Variants in ERBB2 observed in about 807,000 individuals in gnomAD.
ERBB2 encodes erb-b2 receptor tyrosine kinase 2.
In ERBB2, 61 loss-of-function variants were observed where a neutral mutation model predicts 149.0. The observed-to-expected ratio is 0.41, with a 90% CI of 0.33 to 0.51. The LOEUF (loss-of-function observed/expected upper bound fraction) is 0.51, where lower values mean the gene tolerates loss of function less well. Among genes scored for constraint, ERBB2 ranks in the 20% least tolerant of loss-of-function variants. The pLI is 0.25. For synonymous variants in ERBB2, 633 were observed against 678.8 expected (o/e 0.93, Z 1.05); for missense variants, 1,205 against 1,655.1 (o/e 0.73, Z 4.72).
At chr17:39,705,817 G>A (rs951815680) in intron 1 of ERBB2, among the ~76,000 whole-genome samples, 2 of 152,190 alleles carry the variant, frequency 1.3e-5, no homozygotes, top group Admixed American at 1.3e-4. Flanking sequence ...CCCTTGTGCT[G>A]TCCCTGAATC....
intron 9 of ERBB2, among the ~76,000 whole-genome samples, chr17:39,713,507 T>C (rs1267563756): frequency 1.3e-5 from 2 of 151,210 alleles, no homozygotes; most frequent in Non-Finnish European, 2.9e-5. Flanking sequence ...TCCCAGCACT[T>C]TGGGAGGCCG....
intron 12 of ERBB2, 64 bp from the exon 13 acceptor site, chr17:39,716,237 C>G (rs139227028): frequency 1.3e-6 from 2 of 1,499,938 alleles, no homozygotes; most frequent in Non-Finnish European, 8.9e-7. Flanking sequence ...AGCCAGTTCC[C>G]TGGTTCACTT....
At chr17:39,691,546 T>TAAAAAAAAAAA (rs557885708), upstream of ERBB2, among the ~76,000 whole-genome samples, 4 of 108,484 alleles carry the variant, frequency 3.7e-5, no homozygotes, top group African/African-American at 2.0e-4. Flanking sequence ...CCATCTACAT[T>TAAAAAAAAAAA]AAAAAAAAAA....
chr17:39,717,790 AAC>A lies in ERBB2; in HGVS notation c.1898+340_1898+341del, dbSNP rs67643218. On this transcript the variant is annotated intron_variant, in intron 15 of 26. Transcript: ENST00000269571. The stretch of plus-strand genomic sequence containing the variant: ...AGTTATTTTTATCTGTGCACATTTT[AAC>A]ACACACACACACACACACACACACA... The A allele has an allele frequency of 9.4e-3, 1,606 of 171,092 alleles. 1 individual carries two copies. Among genetic ancestry groups the A allele is most frequent in the East Asian group, 0.033 (277 of 8,354 alleles). 10.6% of individuals were successfully genotyped at this position (171,092 alleles called of 1,614,324 possible). A position where few individuals can be genotyped will look rare whatever the true frequency, so the allele number is the denominator to read the frequency against.
In ERBB2 at chr17:39,722,035, C is replaced by A. The variant is rs866020111; in HGVS notation, c.1947-1284C>A. Among the ~76,000 whole-genome samples the A allele has an allele frequency of 2.0e-5, 3 of 152,268 alleles. No homozygotes were observed. The Middle Eastern group carries it at 0.01, about 518-fold the overall frequency. ...TCAGGTTCAAACGATTCTCCTGCTT[C>A]AGCCTCCAGAGTGGCTGGGATTACA... On this transcript the variant is annotated intron_variant, in intron 16 of 26. Transcript: ENST00000269571.
chr17:39,699,605 C>T (rs1435967912), upstream of ERBB2: 5 of 1,339,522 alleles, frequency 3.7e-6, no homozygotes, highest in Non-Finnish European at 5.2e-6. Flanking sequence ...CAACACATCC[C>T]CCTCCTTGAC....
chr17:39,709,035 C>G (rs2058636367), intron 3 of ERBB2, among the ~76,000 whole-genome samples: 1 of 152,116 alleles, frequency 6.6e-6, no homozygotes, highest in African/African-American at 2.4e-5. Flanking sequence ...AACCACCAAG[C>G]AGCATGCCCA....
chr17:39,717,790 A>AACACACACACACAC (rs67643218), intron 15 of ERBB2: 7 of 171,920 alleles, frequency 4.1e-5, no homozygotes, highest in African/African-American at 1.8e-4. Flanking sequence ...TGCACATTTT[A>AACACACACACACAC]ACACACACAC....
chr17:39,690,482 C>T (rs1300667064), upstream of ERBB2, among the ~76,000 whole-genome samples: 1 of 152,146 alleles, frequency 6.6e-6, no homozygotes, highest in African/African-American at 2.4e-5. Flanking sequence ...AAAACCCATG[C>T]CTACATACCT....
At chr17:39,721,904 TTTTA>T (rs778586190) in intron 16 of ERBB2, among the ~76,000 whole-genome samples, 3 of 152,194 alleles carry the variant, frequency 2.0e-5, no homozygotes, top group South Asian at 2.1e-4. Context: ...TCACTTTTAT[TTTTA>T]TTTATTTATT....
chr17:39,697,003 T>G (rs1446197315), upstream of ERBB2, among the ~76,000 whole-genome samples: 1 of 152,214 alleles, frequency 6.6e-6, no homozygotes, highest in Non-Finnish European at 1.5e-5. Flanking sequence ...GGCTGTAAGC[T>G]GCAGGACTGA....
chr17:39,726,416 C>G lies in ERBB2; in HGVS notation c.2873-146C>G, dbSNP rs925636850. 2.9e-5 allele frequency: 19 copies of G among 664,006 alleles called. No individual in the cohort carries two copies. Among genetic ancestry groups the G allele is most frequent in the Non-Finnish European group, 4.7e-5 (17 of 363,302 alleles). 41.1% of individuals were successfully genotyped at this position (664,006 alleles called of 1,614,324 possible). On this transcript the variant is annotated intron_variant, in intron 23 of 26. Coordinates refer to ENST00000269571, the MANE Select transcript of ERBB2 (RefSeq NM_004448.4). This position sits in a 1 kb window ranked among gnomAD's most constrained non-coding sequence, Gnocchi z 5.1. ...TGCCAAAGGTTCTGGCTGAAGACCC[C>G]AGAGTCTGGTGCTACTTCTCTACCA...
chr17:39,691,880 T>C (rs1040355948), upstream of ERBB2, among the ~76,000 whole-genome samples: 4 of 131,394 alleles, frequency 3.0e-5, no homozygotes, highest in Non-Finnish European at 4.7e-5. Context: ...GATATAGATA[T>C]AGATATAGAT....
chr17:39,708,684 G>A, intron 3 of ERBB2, 150 bp downstream of exon 3: 1 of 625,294 alleles, frequency 1.6e-6, no homozygotes, highest in South Asian at 2.0e-5. Flanking sequence ...CAGAAGATTG[G>A]AAAAAGATTC....
chr17:39,719,183 C>T (rs922752385), intron 15 of ERBB2, among the ~76,000 whole-genome samples: 1 of 152,012 alleles, frequency 6.6e-6, no homozygotes, highest in Non-Finnish European at 1.5e-5. Context: ...ATTGCTTGAA[C>T]CTGGGCAGCG....
chr17:39,702,158 G>A (rs1402082654), intron 1 of ERBB2, among the ~76,000 whole-genome samples: 1 of 152,234 alleles, frequency 6.6e-6, no homozygotes. Context: ...AAATTAGTTG[G>A]ATGTGATTAC....
chr17:39,708,437 G>A lies in ERBB2; in HGVS notation c.342G>A (p.Leu114=), dbSNP rs1204529052. The A allele has an allele frequency of 1.2e-6, 2 of 1,614,202 alleles. No homozygotes were observed. Among genetic ancestry groups the A allele is most frequent in the South Asian group, 2.2e-5 (2 of 91,084 alleles). The change falls in exon 3 of 27, where the codon CTG becomes CTA. Residue 114 remains leucine, a synonymous_variant. Transcript: ENST00000269571. The stretch of plus-strand genomic sequence containing the variant: ...AGCTCTTTGAGGACAACTATGCCCT[G>A]GCCGTGCTAGACAATGGAGACCCGC... The part of the protein sequence containing the change: ...GTQLFEDNYA[L]AVLDNGDPLN...
intron 7 of ERBB2, among the ~76,000 whole-genome samples, chr17:39,711,228 A>G (rs2058781080): frequency 6.6e-6 from 1 of 150,870 alleles, no homozygotes; most frequent in Non-Finnish European, 1.5e-5. Context: ...GTCTCGCTCC[A>G]TTGCCCAGGC....
At chr17:39,711,081 G>A (rs1185516946) in intron 7 of ERBB2, among the ~76,000 whole-genome samples, 2 of 152,120 alleles carry the variant, frequency 1.3e-5, no homozygotes, top group Non-Finnish European at 2.9e-5. Flanking sequence ...TGTATTTTTA[G>A]TAGAGACAGG....
Sources: gnomAD v4.1 joint callset for allele counts (sites outside exome capture counted in the v4.1 genomes callset) on GRCh38, gnomAD v4.1.1 for gene constraint, Gnocchi (gnomAD v3.1) non-coding constraint, MANE v1.5 for transcripts, NCBI Gene and HGNC (gene_info 2026-07-23, HGNC 2026-07-21) for gene names.